CSMD3: variants seen among roughly 807,000 people sequenced by gnomAD.
The protein encoded by CSMD3 is CUB and Sushi multiple domains 3, also known as CUB and sushi domain-containing protein 3.
In CSMD3, 177 loss-of-function variants were observed where a neutral mutation model predicts 435.2. That is an observed-to-expected ratio of 0.41 (90% CI 0.36 to 0.46). The LOEUF is 0.46. Ranked by LOEUF, CSMD3 falls within the 20% of genes least tolerant of loss-of-function variation. CSMD3 has a pLI of 0.34. For missense variants in CSMD3, 4,265 were observed against 4,504.6 expected (o/e 0.95, Z 1.52); for synonymous variants, 1,656 against 1,520.5 (o/e 1.09, Z -2.07).
At chr8:113,098,564 G>A in intron 5 of CSMD3, 192 bp downstream of exon 5, 2 of 586,608 alleles carry the variant, frequency 3.4e-6, no homozygotes, top group Non-Finnish European at 6.1e-6. Context: ...TACAAGTTTT[G>A]AATTTCATCT....
chr8:113,331,032 C>T (rs190670530), intron 1 of CSMD3, among the ~76,000 whole-genome samples: 5 of 151,782 alleles, frequency 3.3e-5, no homozygotes, highest in Admixed American at 2.6e-4. Flanking sequence ...AATGTTGATT[C>T]TTTGAAAAGA....
At chr8:113,283,410 A>C (rs1195846945) in intron 2 of CSMD3, among the ~76,000 whole-genome samples, 1 of 152,096 alleles carries the variant, frequency 6.6e-6, no homozygotes, top group African/African-American at 2.4e-5. Flanking sequence ...TCCCATCAAA[A>C]AGTGGGCTAA....
chr8:112,444,759 A>T (rs1477301101), intron 32 of CSMD3, among the ~76,000 whole-genome samples: 1 of 152,212 alleles, frequency 6.6e-6, no homozygotes, highest in East Asian at 1.9e-4. Flanking sequence ...TTTTGGAAAT[A>T]ACAGAAATGC....
chr8:113,226,961 T>C (rs556007262), intron 3 of CSMD3, among the ~76,000 whole-genome samples: 2 of 151,758 alleles, frequency 1.3e-5, no homozygotes, highest in African/African-American at 4.8e-5. Flanking sequence ...TTCTGCCTAA[T>C]ATTATCTACA....
intron 5 of CSMD3, among the ~76,000 whole-genome samples, chr8:113,070,591 G>C (rs781766274): frequency 2.6e-5 from 4 of 151,808 alleles, no homozygotes; most frequent in Admixed American, 6.6e-5. Context: ...TGTACTCTTT[G>C]ACCAACAACT....
In CSMD3 at chr8:112,975,904, G is replaced by A. The variant is rs2130932290; in HGVS notation, c.1275C>T (p.Thr425=). ...GTTCAGCATGTCTTGGTCTTCTCCTGGTACTTTGTGTATCTGCTGGATGAG... is the reference window on the plus strand; with the variant it reads ...GTTCAGCATGTCTTGGTCTTCTCCTAGTACTTTGTGTATCTGCTGGATGAG... ...LSPHPADTQS[T]RRRPRHAEQI... Residue 425 remains threonine (T), a synonymous_variant, in exon 7 of 71, where the codon ACC becomes ACT. Transcript: ENST00000297405. 6.2e-7 allele frequency: 1 copy of A among 1,613,962 alleles called. No individual in the cohort carries two copies. Among genetic ancestry groups the A allele is most frequent in the Non-Finnish European group, 8.5e-7 (1 of 1,179,942 alleles).
At chr8:113,299,304 C>CT (rs573858051) in intron 2 of CSMD3, among the ~76,000 whole-genome samples, 2 of 151,918 alleles carry the variant, frequency 1.3e-5, no homozygotes, top group East Asian at 1.9e-4. Context: ...TTTTCCTTTC[C>CT]TTTTTTTGCT....
chr8:112,379,822 G>T (rs1402689336), intron 38 of CSMD3, among the ~76,000 whole-genome samples: 1 of 152,100 alleles, frequency 6.6e-6, no homozygotes, highest in African/African-American at 2.4e-5. Flanking sequence ...CAGATATACA[G>T]ACCAAAGGAC....
chr8:112,299,922 A>G (rs1268006923), intron 53 of CSMD3, among the ~76,000 whole-genome samples: 1 of 151,722 alleles, frequency 6.6e-6, no homozygotes, highest in Non-Finnish European at 1.5e-5. Context: ...CTGTCTTTCC[A>G]GAGAACAGAA....
At chr8:112,697,040 C>G (rs945058872) in intron 13 of CSMD3, among the ~76,000 whole-genome samples, 35 of 150,586 alleles carry the variant, frequency 2.3e-4, no homozygotes, top group African/African-American at 7.8e-4. Context: ...CCATCTCACA[C>G]CAGTTAGAAT....
chr8:113,436,082 G>A (rs1184507701), intron 1 of CSMD3, among the ~76,000 whole-genome samples: 1 of 151,860 alleles, frequency 6.6e-6, no homozygotes, highest in Non-Finnish European at 1.5e-5. Context: ...CTCATTTTTT[G>A]CCAAACCTCT....
At position 113,436,938 on chromosome 8, in the gene CSMD3, G is replaced by T; in HGVS notation, c.-84C>A. 6.9e-7 allele frequency: 1 copy of T among 1,455,614 alleles called. No homozygotes were observed. Among genetic ancestry groups the T allele is most frequent in the Non-Finnish European group, 9.6e-7 (1 of 1,041,118 alleles). 90.2% of individuals were successfully genotyped at this position (1,455,614 alleles called of 1,614,324 possible). On this transcript the variant is annotated 5_prime_UTR_variant, in exon 1 of 71. Coordinates refer to ENST00000297405, the MANE Select transcript of CSMD3 (RefSeq NM_198123.2). ...TGTTGGTGCGCGGTCACAGCTCGGA[G>T]TGAATGGTGTTTCTGGGATACCACA...
chr8:112,496,685 T>C (rs1821380493), intron 30 of CSMD3, among the ~76,000 whole-genome samples: 1 of 152,070 alleles, frequency 6.6e-6, no homozygotes, highest in Admixed American at 6.6e-5. Context: ...GTAAAATAAG[T>C]CAGGCACAGA....
chr8:113,271,360 A>G (rs149146045), intron 3 of CSMD3, among the ~76,000 whole-genome samples: 1 of 152,198 alleles, frequency 6.6e-6, no homozygotes, highest in East Asian at 1.9e-4. Flanking sequence ...GCCTAGGAGA[A>G]AAAAACGGTT....
intron 1 of CSMD3, among the ~76,000 whole-genome samples, chr8:113,391,106 T>A (rs1266534393): frequency 1.3e-5 from 2 of 151,914 alleles, no homozygotes; most frequent in African/African-American, 4.8e-5. Flanking sequence ...CTCTCGCATA[T>A]CCCATTAGAA....
intron 10 of CSMD3, among the ~76,000 whole-genome samples, chr8:112,902,164 C>T (rs1007624006): frequency 1.3e-5 from 2 of 151,170 alleles, no homozygotes; most frequent in African/African-American, 4.8e-5. Context: ...CAAAAGGAGA[C>T]AGCCTTTATC....
chr8:112,336,033 C>G (rs1267747990), intron 44 of CSMD3, among the ~76,000 whole-genome samples: 1 of 152,044 alleles, frequency 6.6e-6, no homozygotes, highest in African/African-American at 2.4e-5. Flanking sequence ...TCATCTCAGC[C>G]TCCTGAATAG....
At chr8:112,775,779 ATTGTGTGTTT>A (rs1587257023) in intron 13 of CSMD3, among the ~76,000 whole-genome samples, 1 of 151,870 alleles carries the variant, frequency 6.6e-6, no homozygotes, top group East Asian at 1.9e-4. Context: ...CTAAGCACCC[ATTGTGTGTTT>A]TAACTATCTT....
In CSMD3 at chr8:112,921,808, G is replaced by A. The variant is rs566639279; in HGVS notation, c.1509-57C>T. 1.1e-4 allele frequency: 153 copies of A among 1,383,618 alleles called. No individual in the cohort carries two copies. The African/African-American group carries it at 2.0e-3, about 18-fold the overall frequency. 85.7% of individuals were successfully genotyped at this position (1,383,618 alleles called of 1,614,324 possible). A position where few individuals can be genotyped will look rare whatever the true frequency, so the allele number is the denominator to read the frequency against. On this transcript the variant is annotated intron_variant, in intron 9 of 70. Transcript: ENST00000297405. Reference sequence around the variant, plus strand: ...AAGAAAGATGCAACATAATAACTAGGCTTCACTTCTGCTGGCAATATCCAA... The same window carrying A: ...AAGAAAGATGCAACATAATAACTAGACTTCACTTCTGCTGGCAATATCCAA...
Sources: gnomAD v4.1 joint callset for allele counts (sites outside exome capture counted in the v4.1 genomes callset) on GRCh38, gnomAD v4.1.1 for gene constraint, MANE v1.5 for transcripts, NCBI Gene and HGNC (gene_info 2026-07-23, HGNC 2026-07-21) for gene names.